Variants in DOT1L observed in about 807,000 individuals in gnomAD.
DOT1L encodes DOT1 like histone lysine methyltransferase.
In DOT1L, 33 loss-of-function variants were observed where a neutral mutation model predicts 153.3. The observed-to-expected ratio is 0.22, with a 90% CI of 0.16 to 0.29. The LOEUF (loss-of-function observed/expected upper bound fraction) is 0.29, where lower values mean the gene tolerates loss of function less well. Ranked by LOEUF, DOT1L falls within the 10% of genes least tolerant of loss-of-function variation. DOT1L has a pLI of 1.00. For missense variants in DOT1L, 1,847 were observed against 2,119.9 expected (o/e 0.87, Z 2.53); for synonymous variants, 1,135 against 965.1 (o/e 1.18, Z -3.26).
chr19:2,186,705 G>A (rs533128326), intron 3 of DOT1L, among the ~76,000 whole-genome samples: 10 of 152,306 alleles, frequency 6.6e-5, no homozygotes, highest in East Asian at 5.8e-4. Context: ...CCCCTCCCTC[G>A]AGCCCTGCCC....
At position 2,210,767 on chromosome 19, in the gene DOT1L, C is replaced by T. The variant is rs2023679569; in HGVS notation, c.1263C>T (p.Asn421=). The T allele has an allele frequency of 7.4e-6, 12 of 1,613,122 alleles. No individual in the cohort carries two copies. The highest frequency in any genetic ancestry group is 1.0e-5 in the Non-Finnish European group (12 of 1,180,002). Residue 421 remains asparagine (N), a synonymous_variant, in exon 14 of 28, where the codon AAC becomes AAT. Coordinates refer to ENST00000398665, the MANE Select transcript of DOT1L (RefSeq NM_032482.3). ...GCCCCAAGAAGATGAACACTGCGAA[C>T]CCCGAGCGGAAGCCCAAGAAGAACC... ...RGRPKKMNTA[N]PERKPKKNQT... is the part of the protein sequence containing the mutation.
At position 2,216,781 on chromosome 19, in the gene DOT1L, G is replaced by T. The variant is rs1452816576; in HGVS notation, c.2408+16G>T. On this transcript the variant is annotated intron_variant, in intron 20 of 27. Transcript: ENST00000398665. ...TGCATTCGAGGTGAGTGCCCTGGTG[G>T]GGCTGGGGGTCTGCAGCTGGTACCT... is the stretch of plus-strand genomic sequence containing the variant. The T allele has an allele frequency of 1.3e-6, 2 of 1,576,980 alleles. No homozygotes were observed. The highest frequency in any genetic ancestry group is 2.7e-5 in the African/African-American group (2 of 74,584).
At chr19:2,164,442 T>TC in intron 1 of DOT1L, 177 bp downstream of exon 1, 1 of 396,528 alleles carries the variant, frequency 2.5e-6, no homozygotes, top group Non-Finnish European at 4.2e-6. Context: ...CGCGGCTGTT[T>TC]CCCGCAGGGT....
rs1300889342 is a variant in DOT1L, at chr19:2,220,715, C to T, written c.2806+493C>T. On this transcript the variant is annotated intron_variant, in intron 23 of 27. Coordinates refer to ENST00000398665, the MANE Select transcript of DOT1L (RefSeq NM_032482.3). The surrounding 1 kb of genome is among the most constrained non-coding windows in gnomAD (Gnocchi z 4.5). ...GATGCCACTTTGGCTTTTGTTGACA[C>T]TGCAGGCCTGTCTGTTGTGGAAGCC... 1.4e-5 allele frequency: 5 copies of T among 358,880 alleles called. No homozygotes were observed. The highest frequency in any genetic ancestry group is 2.2e-5 in the Non-Finnish European group (4 of 180,406). 22.2% of individuals were successfully genotyped at this position (358,880 alleles called of 1,614,324 possible).
chr19:2,189,217 TG>T (rs1285921478), intron 3 of DOT1L, among the ~76,000 whole-genome samples: 1 of 152,176 alleles, frequency 6.6e-6, no homozygotes, highest in African/African-American at 2.4e-5. Flanking sequence ...GCAGTGTGGG[TG>T]GGGGTGAGGC....
chr19:2,227,270 C>A, intron 27 of DOT1L, 143 bp downstream of exon 27: 2 of 1,063,666 alleles, frequency 1.9e-6, no homozygotes, highest in Non-Finnish European at 2.9e-6. Context: ...CATCCGTGCA[C>A]GGTGGCGAAC....
chr19:2,220,555 C>A lies in DOT1L; in HGVS notation c.2806+333C>A, dbSNP rs971676065. The A allele has an allele frequency of 1.0e-5, 5 of 490,888 alleles. No homozygotes were observed. The highest frequency in any genetic ancestry group is 3.9e-5 in the African/African-American group (2 of 51,334). The allele number at this position is 490,888 out of a possible 1,614,324, so 30.4% of individuals were successfully genotyped here. A position where few individuals can be genotyped will look rare whatever the true frequency, so the allele number is the denominator to read the frequency against. On this transcript the variant is annotated intron_variant, in intron 23 of 27. Transcript: ENST00000398665. This position sits in a 1 kb window ranked among gnomAD's most constrained non-coding sequence, Gnocchi z 4.5. The stretch of plus-strand genomic sequence containing the variant: ...TGGGAGGCCCCTGACTCAGGATCGG[C>A]TCCACACACAGCAGTGCCCAATGGC...
At chr19:2,170,574 G>C (rs1163554638) in intron 1 of DOT1L, among the ~76,000 whole-genome samples, 2 of 152,186 alleles carry the variant, frequency 1.3e-5, no homozygotes, top group Non-Finnish European at 2.9e-5. Context: ...CTCGACACAG[G>C]CTCAGATCCC....
At chr19:2,218,003 A>G in intron 22 of DOT1L, 85 bp downstream of exon 22, 1 of 1,524,194 alleles carries the variant, frequency 6.6e-7, no homozygotes, top group Non-Finnish European at 8.8e-7. Flanking sequence ...CACTTTGCGA[A>G]GTCTCACGCT....
At position 2,191,559 on chromosome 19, in the gene DOT1L, C is replaced by A. The variant is rs1317898250; in HGVS notation, c.493+319C>A. Among the ~76,000 whole-genome samples the A allele has an allele frequency of 6.6e-6, 1 of 152,128 alleles. No homozygotes were observed. The highest frequency in any genetic ancestry group is 1.5e-5 in the Non-Finnish European group (1 of 68,020). ...ACCTGTGCACCCTCTACTGCTCGCT[C>A]CCAGAAGCTGCCACTCGCTAGCCTG... On this transcript the variant is annotated intron_variant, in intron 5 of 27. Coordinates refer to ENST00000398665, the MANE Select transcript of DOT1L (RefSeq NM_032482.3). This position sits in a 1 kb window ranked among gnomAD's most constrained non-coding sequence, Gnocchi z 6.8.
chr19:2,228,816 C>T lies in DOT1L; in HGVS notation c.4607-969C>T, dbSNP rs1006918201. The T allele has an allele frequency of 2.7e-5, 27 of 985,226 alleles. 1 individual carries two copies. Among genetic ancestry groups the T allele is most frequent in the African/African-American group, 1.4e-4 (8 of 57,202 alleles). The allele number at this position is 985,226 out of a possible 1,614,324, so 61.0% of individuals were successfully genotyped here. A position where few individuals can be genotyped will look rare whatever the true frequency, so the allele number is the denominator to read the frequency against. On this transcript the variant is annotated intron_variant, in intron 27 of 27. Coordinates refer to ENST00000398665, the MANE Select transcript of DOT1L (RefSeq NM_032482.3). The stretch of plus-strand genomic sequence containing the variant: ...CCAGGCGCCCAGCATGTAGCAGGCA[C>T]GGTGCCGGCTGCAGAGGTCCTGGAG...
At position 2,216,495 on chromosome 19, in the gene DOT1L, T is replaced by C. The variant is rs771023189; in HGVS notation, c.2138T>C (p.Met713Thr). ...AGCAGCATGAGCCCGGAGCTCTCCATGAACGGCCAGGCTGCTGGCTATGAG... is the reference window on the plus strand; with the variant it reads ...AGCAGCATGAGCCCGGAGCTCTCCACGAACGGCCAGGCTGCTGGCTATGAG... ...HLSSMSPELSMNGQAAGYELC... is the reference protein window; with the variant it reads ...HLSSMSPELSTNGQAAGYELC... Residue 713 changes from methionine (M) to threonine (T), a missense_variant, in exon 20 of 28, where the codon ATG becomes ACG. Physicochemically the swap from Met to Thr is moderately conservative, Grantham distance 81. This residue lies in a region of DOT1L where 281 missense variants were observed against 263.6 expected (regional missense o/e 1.07). Transcript: ENST00000398665. 1 of 1,612,636 alleles carries C rather than the reference T, an allele frequency of 6.2e-7. No individual in the cohort carries two copies. The highest frequency in any genetic ancestry group is 1.1e-5 in the South Asian group (1 of 91,084).
At chr19:2,212,178 T>C in intron 16 of DOT1L, 1 of 214,140 alleles carries the variant, frequency 4.7e-6, no homozygotes, top group Non-Finnish European at 9.3e-6. Flanking sequence ...GTCACAGTCT[T>C]CCCAGTTGTC....
At chr19:2,225,227 A>C (rs2144923105) in intron 25 of DOT1L, among the ~76,000 whole-genome samples, 161 bp from the exon 26 acceptor site, 1 of 152,214 alleles carries the variant, frequency 6.6e-6, no homozygotes, top group East Asian at 1.9e-4. Context: ...CCAGCCACCC[A>C]GTCCAGGCCT....
intron 2 of DOT1L, among the ~76,000 whole-genome samples, chr19:2,181,755 C>T (rs944410653): frequency 1.3e-5 from 2 of 149,230 alleles, no homozygotes; most frequent in Non-Finnish European, 3.0e-5. Flanking sequence ...GCCCAGCCCC[C>T]GCCCAGCACC....
Position 2,207,193 on chromosome 19 carries a change from A to G in DOT1L, c.857-381A>G, listed in dbSNP as rs1762744385. Among the ~76,000 whole-genome samples the G allele has an allele frequency of 6.6e-6, 1 of 152,180 alleles. No individual in the cohort carries two copies. Among genetic ancestry groups the G allele is most frequent in the Non-Finnish European group, 1.5e-5 (1 of 68,002 alleles). Reference sequence around the variant, plus strand: ...TGTGCTGCGTGCTCTGTCAGCTCCCAGCCTTGCGGGGCAGCACGGCCTCCT... The same window carrying G: ...TGTGCTGCGTGCTCTGTCAGCTCCCGGCCTTGCGGGGCAGCACGGCCTCCT... On this transcript the variant is annotated intron_variant, in intron 10 of 27. Transcript: ENST00000398665. This position sits in a 1 kb window ranked among gnomAD's most constrained non-coding sequence, Gnocchi z 4.5.
rs550527745 is a variant in DOT1L at position 2,213,840 on chromosome 19, T to C, written c.1660-9T>C. 7 of 1,612,988 alleles carry C rather than the reference T, an allele frequency of 4.3e-6. No individual in the cohort carries two copies. The East Asian group carries it at 6.7e-5, about 15-fold the overall frequency. On this transcript the variant is annotated splice_polypyrimidine_tract_variant and intron_variant, in intron 17 of 27. Transcript: ENST00000398665. Reference sequence around the variant, plus strand: ...CCAGCATGACCTCTCCCCCGCCCCATGTCCCCAGCTGGGTGTGAAGGCGCT... The same window carrying C: ...CCAGCATGACCTCTCCCCCGCCCCACGTCCCCAGCTGGGTGTGAAGGCGCT...
At position 2,194,424 on chromosome 19, in the gene DOT1L, G is replaced by T. The variant is rs941643167; in HGVS notation, c.589-91G>T. The T allele has an allele frequency of 1.6e-5, 23 of 1,446,436 alleles. No homozygotes were observed. In the Admixed American group the frequency reaches 3.9e-4, roughly 24 times the overall value. 89.6% of individuals were successfully genotyped at this position (1,446,436 alleles called of 1,614,324 possible). A position where few individuals can be genotyped will look rare whatever the true frequency, so the allele number is the denominator to read the frequency against. On this transcript the variant is annotated intron_variant, in intron 6 of 27. Transcript: ENST00000398665. ...CTGACCTCATGATCCGCCCTCCTCA[G>T]CCTCCCAAAGTGCCGGGATTACAGG...
In DOT1L at chr19:2,226,465, G is replaced by T; in HGVS notation, c.3944G>T (p.Gly1315Val). ...AGCCCGGGCACCAACCCTGCCAACG[G>T]CTGCACCTTCGGCGGGGGCCTGGCC... Reference protein sequence around the residue: ...GLSPGTNPANGCTFGGGLAAD... With the variant: ...GLSPGTNPANVCTFGGGLAAD... Residue 1315 changes from glycine (G) to valine (V), a missense_variant, in exon 27 of 28, where the codon GGC becomes GTC. Gly to Val is a moderately radical substitution (Grantham distance 109). Coordinates refer to ENST00000398665, the MANE Select transcript of DOT1L (RefSeq NM_032482.3). The T allele has an allele frequency of 6.2e-7, 1 of 1,601,906 alleles. No individual in the cohort carries two copies. Among genetic ancestry groups the T allele is most frequent in the Non-Finnish European group, 8.5e-7 (1 of 1,179,634 alleles).
Sources: gnomAD v4.1 joint callset for allele counts (sites outside exome capture counted in the v4.1 genomes callset) on GRCh38, gnomAD v4.1.1 for gene constraint, gnomAD v4.1.1 regional missense constraint, Gnocchi (gnomAD v3.1) non-coding constraint, MANE v1.5 for transcripts, NCBI Gene and HGNC (gene_info 2026-07-23, HGNC 2026-07-21) for gene names.